BANK1: variants seen among roughly 807,000 people sequenced by gnomAD.
The protein encoded by BANK1 is B cell scaffold protein with ankyrin repeats 1.
In BANK1, 95 loss-of-function variants were observed where a neutral mutation model predicts 94.5. The ratio of observed to expected loss-of-function variants is 1.00; its 90% CI spans 0.85 to 1.19. The LOEUF is 1.19. BANK1 is among the 50% of genes most tolerant of loss of function. The pLI, the probability that BANK1 is intolerant of heterozygous loss-of-function variation, is 0.00. For synonymous variants in BANK1, 334 were observed against 308.4 expected (o/e 1.08, Z -0.87); for missense variants, 987 against 932.2 (o/e 1.06, Z -0.77).
intron 7 of BANK1, among the ~76,000 whole-genome samples, chr4:101,995,468 G>A (rs1477181153): frequency 6.6e-6 from 1 of 152,076 alleles, no homozygotes; most frequent in Admixed American, 6.6e-5. Flanking sequence ...CCCAGTAATG[G>A]GATTGCTGGG....
intron 13 of BANK1, among the ~76,000 whole-genome samples, chr4:102,063,961 A>G (rs971867128): frequency 2.0e-5 from 3 of 152,250 alleles, no homozygotes; most frequent in South Asian, 2.1e-4. Context: ...TTGGCAGTGG[A>G]GGTTAGGGGA....
At chr4:101,861,235 G>T (rs1197391431) in intron 3 of BANK1, among the ~76,000 whole-genome samples, 2 of 152,186 alleles carry the variant, frequency 1.3e-5, no homozygotes, top group Non-Finnish European at 2.9e-5. Context: ...AATGCCTGAA[G>T]TAGATTTTTG....
intron 7 of BANK1, among the ~76,000 whole-genome samples, chr4:101,989,402 G>A (rs996096853): frequency 2.2e-5 from 3 of 134,714 alleles, no homozygotes; most frequent in African/African-American, 8.6e-5. Flanking sequence ...TTGCACTCCA[G>A]CCTGGGGTAC....
At chr4:101,872,315 G>T (rs1484017612) in intron 5 of BANK1, among the ~76,000 whole-genome samples, 1 of 152,064 alleles carries the variant, frequency 6.6e-6, no homozygotes, top group East Asian at 1.9e-4. Flanking sequence ...ACTGTCATGA[G>T]GGCACCTAGA....
intron 7 of BANK1, among the ~76,000 whole-genome samples, chr4:101,919,905 G>T (rs975623586): frequency 6.6e-6 from 1 of 151,940 alleles, no homozygotes; most frequent in Non-Finnish European, 1.5e-5. Context: ...CAAATGTGTA[G>T]TTAAGAAAAT....
chr4:102,021,224 A>G (rs1322439703), intron 7 of BANK1, among the ~76,000 whole-genome samples: 2 of 152,010 alleles, frequency 1.3e-5, no homozygotes, highest in Non-Finnish European at 2.9e-5. Context: ...TTTTATTCAG[A>G]ACTTCTTTAT....
At chr4:101,885,042 C>T (rs535242076) in intron 5 of BANK1, among the ~76,000 whole-genome samples, 1 of 152,148 alleles carries the variant, frequency 6.6e-6, no homozygotes, top group Non-Finnish European at 1.5e-5. Context: ...CTCAGTCTCC[C>T]GAGTAGCTGG....
At chr4:101,871,914 A>G (rs946054239) in intron 5 of BANK1, among the ~76,000 whole-genome samples, 5 of 152,148 alleles carry the variant, frequency 3.3e-5, no homozygotes, top group African/African-American at 1.2e-4. Flanking sequence ...CTCCTGGACA[A>G]TTGGTCAGGA....
intron 2 of BANK1, among the ~76,000 whole-genome samples, chr4:101,853,577 C>T (rs1727572154): frequency 6.6e-6 from 1 of 152,096 alleles, no homozygotes; most frequent in Admixed American, 6.6e-5. Flanking sequence ...AAGATTTAGA[C>T]TTGTGTTCAG....
intron 2 of BANK1, among the ~76,000 whole-genome samples, chr4:101,832,995 T>C (rs753176597): frequency 4.8e-4 from 73 of 152,118 alleles, no homozygotes; most frequent in African/African-American, 1.7e-3. Context: ...TCTTTTTTTT[T>C]TGAGACGGAG....
chr4:101,894,507 A>G (rs980876261), intron 5 of BANK1, among the ~76,000 whole-genome samples: 4 of 151,986 alleles, frequency 2.6e-5, no homozygotes, highest in African/African-American at 9.7e-5. Flanking sequence ...CTATGTCTTG[A>G]CAATATTTAT....
intron 4 of BANK1, among the ~76,000 whole-genome samples, chr4:101,863,917 C>G (rs181706195): frequency 2.6e-5 from 4 of 152,042 alleles, no homozygotes; most frequent in Non-Finnish European, 4.4e-5. Flanking sequence ...TCCCAAATAG[C>G]AGATCAAGAT....
intron 8 of BANK1, among the ~76,000 whole-genome samples, chr4:102,024,239 G>A (rs1727005945): frequency 6.6e-6 from 1 of 152,086 alleles, no homozygotes; most frequent in Non-Finnish European, 1.5e-5. Context: ...TTTTAGCTTA[G>A]CAACATTTTA....
chr4:101,933,422 T>C (rs1723425132), intron 7 of BANK1, among the ~76,000 whole-genome samples: 1 of 151,434 alleles, frequency 6.6e-6, no homozygotes, highest in Non-Finnish European at 1.5e-5. Context: ...GAGTTTTACA[T>C]GGCTATGCCA....
intron 7 of BANK1, among the ~76,000 whole-genome samples, chr4:101,991,035 A>G (rs1036464275): frequency 6.6e-6 from 1 of 152,178 alleles, no homozygotes; most frequent in Non-Finnish European, 1.5e-5. Flanking sequence ...GTTTTCATGT[A>G]TTAGGCCATT....
At chr4:101,996,368 C>T (rs1307380213) in intron 7 of BANK1, among the ~76,000 whole-genome samples, 1 of 152,132 alleles carries the variant, frequency 6.6e-6, no homozygotes, top group Non-Finnish European at 1.5e-5. Context: ...CATGATGCCT[C>T]CAGCTTTGTT....
intron 9 of BANK1, 90 bp from the exon 10 acceptor site, chr4:102,029,870 A>G: frequency 7.7e-7 from 1 of 1,302,856 alleles, no homozygotes; most frequent in East Asian, 2.3e-5. Flanking sequence ...TGACTAAGCC[A>G]CCTTGGGAAG....
At chr4:101,793,530 G>A (rs1725062259) in intron 1 of BANK1, among the ~76,000 whole-genome samples, 1 of 152,172 alleles carries the variant, frequency 6.6e-6, no homozygotes, top group African/African-American at 2.4e-5. Flanking sequence ...TTACACTTGG[G>A]ACAGTAGAGG....
At chr4:101,951,418 T>TAGC (rs1360263407) in intron 7 of BANK1, among the ~76,000 whole-genome samples, 3 of 152,124 alleles carry the variant, frequency 2.0e-5, no homozygotes, top group Non-Finnish European at 2.9e-5. Flanking sequence ...TCAAAAACTT[T>TAGC]AGCCCAAACA....
Sources: allele counts gnomAD v4.1 joint callset (sites outside exome capture counted in the v4.1 genomes callset), GRCh38; gene constraint gnomAD v4.1.1; transcripts MANE v1.5; gene names NCBI Gene and HGNC (gene_info 2026-07-23, HGNC 2026-07-21).